Variants in ZBTB20 observed in about 807,000 individuals in gnomAD.
ZBTB20 encodes the protein zinc finger and BTB domain-containing protein 20.
A neutral mutation model predicts 56.9 loss-of-function variants in ZBTB20; 9 were observed. That is an observed-to-expected ratio of 0.16 (90% CI 0.10 to 0.28). The LOEUF is 0.28. ZBTB20 is among the 10% of genes least tolerant of loss of function. The probability of loss-of-function intolerance (pLI) is 1.00; values close to 1 mark genes in which losing one functional copy is unlikely to be tolerated. For missense variants in ZBTB20, 655 were observed against 1,003.0 expected, an observed-to-expected ratio of 0.65 and a Z score of 4.69; for synonymous variants, 417 against 420.7, an observed-to-expected ratio of 0.99 and a Z score of 0.11.
At chr3:114,492,422 A>G (rs1260672150) in intron 7 of ZBTB20, among the ~76,000 whole-genome samples, 2 of 152,170 alleles carry the variant, frequency 1.3e-5, no homozygotes, top group Non-Finnish European at 2.9e-5. Flanking sequence ...TGTGAATGGT[A>G]TTATCCTTCA....
intron 10 of ZBTB20, among the ~76,000 whole-genome samples, chr3:114,373,736 C>T (rs1287806931): frequency 1.3e-5 from 2 of 152,088 alleles, no homozygotes; most frequent in African/African-American, 4.8e-5. Context: ...ATCTTCGTCC[C>T]TAATCTTAGC....
At chr3:114,838,579 A>G (rs1329117327) in intron 4 of ZBTB20, among the ~76,000 whole-genome samples, 1 of 152,186 alleles carries the variant, frequency 6.6e-6, no homozygotes, top group Non-Finnish European at 1.5e-5. Flanking sequence ...AGTTAAAAGA[A>G]GACAGGGCAC....
intron 6 of ZBTB20, among the ~76,000 whole-genome samples, chr3:114,533,210 T>C (rs186625020): frequency 2.0e-5 from 3 of 152,124 alleles, no homozygotes; most frequent in Admixed American, 2.0e-4. Flanking sequence ...AAGGAGCATG[T>C]TCTAACCCAA....
intron 6 of ZBTB20, among the ~76,000 whole-genome samples, chr3:114,682,669 C>T (rs982593352): frequency 2.0e-5 from 3 of 152,178 alleles, no homozygotes; most frequent in Non-Finnish European, 4.4e-5. Context: ...TCCCTTATAA[C>T]TCATCAGGCT....
At chr3:114,945,892 A>G (rs1011041232) in intron 3 of ZBTB20, among the ~76,000 whole-genome samples, 4 of 145,406 alleles carry the variant, frequency 2.8e-5, no homozygotes, top group Admixed American at 6.6e-5. Context: ...ACTATACATT[A>G]TAATATCAGT....
At chr3:114,544,489 CTTTCTTTCT>C (rs141067999) in intron 6 of ZBTB20, among the ~76,000 whole-genome samples, 15,179 of 110,534 alleles carry the variant, frequency 0.14, 1,363 homozygotes, top group Middle Eastern at 0.3. Flanking sequence ...TTTTCTTTCA[CTTTCTTTCT>C]TTTCTTTCTT....
intron 1 of ZBTB20, among the ~76,000 whole-genome samples, chr3:115,137,448 T>A (rs569225869): frequency 3.1e-4 from 47 of 152,178 alleles, no homozygotes; most frequent in Non-Finnish European, 5.9e-4. Context: ...ATACTAAATA[T>A]AATCCAAAGT....
chr3:114,594,187 T>G (rs2056090196), intron 6 of ZBTB20, among the ~76,000 whole-genome samples: 1 of 152,122 alleles, frequency 6.6e-6, no homozygotes, highest in Admixed American at 6.5e-5. Context: ...AAGAGATGGT[T>G]AAATTGCAAC....
intron 2 of ZBTB20, among the ~76,000 whole-genome samples, chr3:115,069,676 T>C (rs2082336448): frequency 6.6e-6 from 1 of 152,122 alleles, no homozygotes; most frequent in African/African-American, 2.4e-5. Flanking sequence ...TGCTAAAATA[T>C]TCCAATAGCT....
intron 6 of ZBTB20, among the ~76,000 whole-genome samples, chr3:114,556,077 C>T (rs1387988059): frequency 6.6e-6 from 1 of 152,100 alleles, no homozygotes; most frequent in Non-Finnish European, 1.5e-5. Context: ...CAATTAAAAA[C>T]TAAACAGGGT....
rs147328412 is a variant in ZBTB20 at position 114,983,495 on chromosome 3, T to A, written c.-506-9079A>T. On this transcript the variant is annotated intron_variant, in intron 2 of 11. Coordinates refer to ENST00000675478, the MANE Select transcript of ZBTB20 (RefSeq NM_001348800.3). ...TTCATATTTCATGGTCAAAGGTCAA[T>A]GTTGAAAAAGCTGATGAAAGCTAAT... Among the ~76,000 whole-genome samples, 45 of 152,106 alleles carry A rather than the reference T, an allele frequency of 3.0e-4. No homozygotes were observed. In the East Asian group the frequency reaches 7.4e-3, roughly 25 times the overall value.
At chr3:114,655,775 T>C (rs549995804) in intron 6 of ZBTB20, among the ~76,000 whole-genome samples, 10 of 152,340 alleles carry the variant, frequency 6.6e-5, no homozygotes, top group African/African-American at 2.2e-4. Flanking sequence ...CAGTACTTTG[T>C]AGTATTTTTA....
chr3:114,414,459 C>G (rs1432871922), intron 7 of ZBTB20, among the ~76,000 whole-genome samples: 1 of 152,010 alleles, frequency 6.6e-6, no homozygotes, highest in African/African-American at 2.4e-5. Context: ...TCTGAATGAG[C>G]TTTGTTTCTC....
At chr3:114,798,484 G>T (rs1445275676) in intron 5 of ZBTB20, among the ~76,000 whole-genome samples, 1 of 151,800 alleles carries the variant, frequency 6.6e-6, no homozygotes, top group Non-Finnish European at 1.5e-5. Flanking sequence ...AAGGCAATTT[G>T]CTCCTCAGGA....
At chr3:114,767,922 G>C (rs2068897403) in intron 5 of ZBTB20, among the ~76,000 whole-genome samples, 2 of 152,016 alleles carry the variant, frequency 1.3e-5, no homozygotes, top group Non-Finnish European at 2.9e-5. Flanking sequence ...TCCAAGGAAG[G>C]GGTGGGGAGA....
Position 114,877,171 on chromosome 3 carries a change from G to T in ZBTB20, c.-417+23133C>A, listed in dbSNP as rs552060987. The stretch of plus-strand genomic sequence containing the variant: ...TAACTATATGCTAGAGAATACAAAG[G>T]TGTTTGACATACCCATAACTACTTA... On this transcript the variant is annotated intron_variant, in intron 4 of 11. Coordinates refer to ENST00000675478, the MANE Select transcript of ZBTB20 (RefSeq NM_001348800.3). Among the ~76,000 whole-genome samples the T allele has an allele frequency of 4.6e-5, 7 of 152,302 alleles. No homozygotes were observed. The South Asian group carries it at 1.4e-3, about 32-fold the overall frequency.
At chr3:115,095,275 T>A (rs887747981) in intron 1 of ZBTB20, among the ~76,000 whole-genome samples, 1 of 152,148 alleles carries the variant, frequency 6.6e-6, no homozygotes, top group Non-Finnish European at 1.5e-5. Flanking sequence ...TATTCTCACT[T>A]GAAAGTCAGT....
chr3:114,385,726 G>A (rs2085035168), intron 8 of ZBTB20, among the ~76,000 whole-genome samples: 1 of 152,148 alleles, frequency 6.6e-6, no homozygotes, highest in Non-Finnish European at 1.5e-5. Context: ...AATTAGCTGG[G>A]CATGGTGGTG....
chr3:114,957,710 C>G (rs919959148), intron 3 of ZBTB20, among the ~76,000 whole-genome samples: 4 of 152,120 alleles, frequency 2.6e-5, no homozygotes, highest in African/African-American at 4.8e-5. Context: ...TAAATGCTAC[C>G]TAGGAGGAGT....
Sources: gnomAD v4.1 joint callset for allele counts (sites outside exome capture counted in the v4.1 genomes callset) on GRCh38, gnomAD v4.1.1 for gene constraint, MANE v1.5 for transcripts, NCBI Gene and HGNC (gene_info 2026-07-23, HGNC 2026-07-21) for gene names.